The following PROSER1 variants were observed in gnomAD, a reference collection of about 807,000 sequenced individuals.
PROSER1 encodes proline and serine rich 1, also known as proline and serine-rich protein 1.
In PROSER1, 36 loss-of-function variants were observed where a neutral mutation model predicts 71.8. That is an observed-to-expected ratio of 0.50 (90% CI 0.38 to 0.66). The LOEUF (loss-of-function observed/expected upper bound fraction) is 0.66. Ranked by LOEUF, PROSER1 falls within the 30% of genes least tolerant of loss-of-function variation. The pLI is 0.00. For missense variants in PROSER1, 1,107 were observed against 1,135.0 expected, an observed-to-expected ratio of 0.98 and a Z score of 0.35; for synonymous variants, 490 against 452.4, an observed-to-expected ratio of 1.08 and a Z score of -1.06.
At position 39,012,935 on chromosome 13, in the gene PROSER1, G is replaced by A. The variant is rs752513888; in HGVS notation, c.2317C>T (p.Leu773Phe). 2 of 1,614,182 alleles carry A rather than the reference G, an allele frequency of 1.2e-6. No individual in the cohort carries two copies. Among genetic ancestry groups the A allele is most frequent in the Non-Finnish European group, 1.7e-6 (2 of 1,180,024 alleles). ...AGAGGTCCTTGAGTAACAGAGAAAA[G>A]TGAGGGAACAGCAGTGGACAGGTTG... is the stretch of plus-strand genomic sequence containing the variant. ...PLNLSTAVPS[L>F]FSVTQGPLSS... Residue 773 changes from leucine (L) to phenylalanine (F), a missense_variant, in exon 11 of 13, where the codon CTT becomes TTT. Physicochemically the swap from Leu to Phe is conservative, Grantham distance 22 (BLOSUM62 0). Coordinates refer to ENST00000352251, the MANE Select transcript of PROSER1 (RefSeq NM_025138.5).
Position 39,023,122 on chromosome 13 carries a change from TGAA to T in PROSER1, c.570_572del (p.Ser191del). On this transcript the variant is annotated inframe_deletion, in exon 8 of 13. Transcript: ENST00000352251. ...GAACAGGTTTATGTGGATTATATGT[TGAA>T]GGAGGCTAAAACATGGGGGAAAATA... 1 of 1,612,522 alleles carries T rather than the reference TGAA, an allele frequency of 6.2e-7. No individual in the cohort carries two copies. Among genetic ancestry groups the T allele is most frequent in the Non-Finnish European group, 8.5e-7 (1 of 1,178,762 alleles).
intron 9 of PROSER1, among the ~76,000 whole-genome samples, chr13:39,021,307 C>G (rs1361798507): frequency 6.6e-6 from 1 of 152,202 alleles, no homozygotes; most frequent in Non-Finnish European, 1.5e-5. Flanking sequence ...CAGTTTCTGA[C>G]AGTTCCTTTG....
In PROSER1 at chr13:39,037,433, A is replaced by T. The variant is rs944908887; in HGVS notation, c.-191T>A. 8 of 576,844 alleles carry T rather than the reference A, an allele frequency of 1.4e-5. No individual in the cohort carries two copies. In the African/African-American group the frequency reaches 1.5e-4, roughly 11 times the overall value. The allele number at this position is 576,844 out of a possible 1,614,324, so 35.7% of individuals were successfully genotyped here. Reference sequence around the variant, plus strand: ...AAAAAATTTCTAAAAATTGAGATTCAGAAAAACTCTTTTTATTAAAAAGAA... The same window carrying T: ...AAAAAATTTCTAAAAATTGAGATTCTGAAAAACTCTTTTTATTAAAAAGAA... On this transcript the variant is annotated 5_prime_UTR_variant, in exon 1 of 13. Transcript: ENST00000352251.
At position 39,022,438 on chromosome 13, in the gene PROSER1, A is replaced by T. The variant is rs75859199; in HGVS notation, c.644-26T>A. ...CTAAAATAAAAACACAATAGAAAAA[A>T]ATATACCTTAGGACTGTTCTGTGAC... On this transcript the variant is annotated intron_variant, in intron 8 of 12. Transcript: ENST00000352251. 1.3e-3 allele frequency: 1,897 copies of T among 1,496,470 alleles called. 23 individuals are homozygous for T. In the African/African-American group the frequency reaches 0.023, roughly 18 times the overall value. The allele number at this position is 1,496,470 out of a possible 1,614,324, so 92.7% of individuals were successfully genotyped here.
rs753932002 is a variant in PROSER1 at position 39,013,191 on chromosome 13, G to C, written c.2061C>G (p.Ser687=). Reference sequence around the variant, plus strand: ...CAGTGAATACTGGTGCAATGGGAGTGGAGGAACCATGTGGTGGAAGGGAAA... The same window carrying C: ...CAGTGAATACTGGTGCAATGGGAGTCGAGGAACCATGTGGTGGAAGGGAAA... ...SSISLPPHGS[S]TPIAPVFTAL... The change falls in exon 11 of 13, where the codon TCC becomes TCG. Residue 687 remains serine, a synonymous_variant. Coordinates refer to ENST00000352251, the MANE Select transcript of PROSER1 (RefSeq NM_025138.5). 2 of 1,614,090 alleles carry C rather than the reference G, an allele frequency of 1.2e-6. No individual in the cohort carries two copies. Among genetic ancestry groups the C allele is most frequent in the South Asian group, 2.2e-5 (2 of 91,072 alleles).
intron 1 of PROSER1, among the ~76,000 whole-genome samples, chr13:39,036,095 T>C (rs1871086866): frequency 6.6e-6 from 1 of 152,220 alleles, no homozygotes; most frequent in Non-Finnish European, 1.5e-5. Context: ...CACCAATTAT[T>C]TTCTCATGAA....
intron 10 of PROSER1, among the ~76,000 whole-genome samples, chr13:39,015,099 T>C (rs942107638): frequency 6.6e-6 from 1 of 152,192 alleles, no homozygotes; most frequent in African/African-American, 2.4e-5. Flanking sequence ...CTGTGTCTAA[T>C]TCATCTTTAT....
chr13:39,017,593 G>T, intron 9 of PROSER1, 49 bp from the exon 10 acceptor site: 1 of 976,932 alleles, frequency 1.0e-6, no homozygotes, highest in Admixed American at 2.4e-5. Context: ...TCAAATATTT[G>T]CCACCATAAT....
chr13:39,020,911 C>T (rs1218291296), intron 9 of PROSER1, among the ~76,000 whole-genome samples: 2 of 152,194 alleles, frequency 1.3e-5, no homozygotes, highest in Non-Finnish European at 2.9e-5. Flanking sequence ...CCCTTCCTCT[C>T]CATGGTAGGC....
chr13:39,012,664 T>C (rs748232780), intron 11 of PROSER1, 27 bp downstream of exon 11: 5 of 1,461,828 alleles, frequency 3.4e-6, no homozygotes, highest in Non-Finnish European at 4.6e-6. Flanking sequence ...AGAATAATTT[T>C]ATCCTATTTC....
intron 5 of PROSER1, 105 bp downstream of exon 5, chr13:39,028,122 G>A (rs532697878): frequency 3.1e-6 from 2 of 640,424 alleles, no homozygotes; most frequent in East Asian, 2.8e-5. Flanking sequence ...TTGTACAACA[G>A]CATTCAAGTT....
intron 12 of PROSER1, 69 bp downstream of exon 12, chr13:39,012,014 G>T: frequency 6.9e-7 from 1 of 1,451,794 alleles, no homozygotes; most frequent in Non-Finnish European, 9.5e-7. Context: ...AAATGATACT[G>T]CAATGTTATC....
rs1337549365 is a variant in PROSER1, at chr13:39,012,775, G to C, written c.2477C>G (p.Thr826Arg). ...GAGGACTGGAGCTGGGGATGGGGCT[G>C]TGGCAGCCACAGGTAGTGGTGTGAC... ...AAVTPLPVAA[T>R]APSPAPVLPG... The change falls in exon 11 of 13, where the codon ACA becomes AGA. Residue 826 changes from threonine to arginine, a missense_variant. Coordinates refer to ENST00000352251, the MANE Select transcript of PROSER1 (RefSeq NM_025138.5). 1.2e-6 allele frequency: 2 copies of C among 1,613,984 alleles called. No homozygotes were observed. Among genetic ancestry groups the C allele is most frequent in the Admixed American group, 1.7e-5 (1 of 60,002 alleles).
intron 4 of PROSER1, chr13:39,028,912 T>C (rs898761705): frequency 6.3e-6 from 1 of 159,434 alleles, no homozygotes; most frequent in African/African-American, 2.4e-5. Flanking sequence ...AGCCTTATTT[T>C]TACAATTGAG....
rs1313828554 is a variant in PROSER1 at position 39,010,639 on chromosome 13, A to C, written c.*726T>G. ...AGAGTCAGTCAAGTGTTCTTCACTC[A>C]CTGGATACTGCTGAGATTAGGAAAA... On this transcript the variant is annotated 3_prime_UTR_variant, in exon 13 of 13. Coordinates refer to ENST00000352251, the MANE Select transcript of PROSER1 (RefSeq NM_025138.5). 1 of 152,648 alleles carries C rather than the reference A, an allele frequency of 6.6e-6. No homozygotes were observed. The highest frequency in any genetic ancestry group is 1.5e-5 in the Non-Finnish European group (1 of 68,056). The allele number at this position is 152,648 out of a possible 1,614,324, so 9.5% of individuals were successfully genotyped here.
Position 39,012,037 on chromosome 13 carries a change from A to G in PROSER1, c.2712+46T>C, listed in dbSNP as rs747951583. 4.5e-6 allele frequency: 7 copies of G among 1,572,004 alleles called. No individual in the cohort carries two copies. In the Admixed American group the frequency reaches 1.2e-4, roughly 28 times the overall value. On this transcript the variant is annotated intron_variant, in intron 12 of 12. Transcript: ENST00000352251. ...CTGCAATGTTATCACTACAGAAGTT[A>G]GTTATACATGTTACCATGTAATTTA...
intron 8 of PROSER1, 177 bp downstream of exon 8, chr13:39,022,875 T>C: frequency 8.1e-6 from 4 of 493,912 alleles, no homozygotes; most frequent in African/African-American, 1.9e-5. Context: ...CTAAATAAAC[T>C]ATCTGCTGCA....
chr13:39,011,187 G>A lies in PROSER1; in HGVS notation c.*178C>T, dbSNP rs1869630467. 3 of 620,606 alleles carry A rather than the reference G, an allele frequency of 4.8e-6. No homozygotes were observed. The highest frequency in any genetic ancestry group is 8.6e-6 in the Non-Finnish European group (3 of 349,166). The allele number at this position is 620,606 out of a possible 1,614,324, so 38.4% of individuals were successfully genotyped here. A position where few individuals can be genotyped will look rare whatever the true frequency, so the allele number is the denominator to read the frequency against. Reference sequence around the variant, plus strand: ...AATTTATTGTCAGCATATTTACATAGGGGAGTGTTCACACTTTAAAATGCA... The same window carrying A: ...AATTTATTGTCAGCATATTTACATAAGGGAGTGTTCACACTTTAAAATGCA... On this transcript the variant is annotated 3_prime_UTR_variant, in exon 13 of 13. Coordinates refer to ENST00000352251, the MANE Select transcript of PROSER1 (RefSeq NM_025138.5).
intron 3 of PROSER1, among the ~76,000 whole-genome samples, chr13:39,031,331 T>C (rs1684490078): frequency 6.6e-6 from 1 of 152,250 alleles, no homozygotes; most frequent in Admixed American, 6.5e-5. Flanking sequence ...ATATTTTGCT[T>C]GCTGGTGAAG....
Sources: allele counts gnomAD v4.1 joint callset (sites outside exome capture counted in the v4.1 genomes callset), GRCh38; gene constraint gnomAD v4.1.1; transcripts MANE v1.5; gene names NCBI Gene and HGNC (gene_info 2026-07-23, HGNC 2026-07-21).